DLGAP4: variants seen among roughly 807,000 people sequenced by gnomAD.
DLGAP4 encodes the protein disks large-associated protein 4.
Under a neutral mutation model 86.9 loss-of-function variants are expected in DLGAP4, and 18 were observed. That is an observed-to-expected ratio of 0.21 (90% CI 0.14 to 0.31). The LOEUF (loss-of-function observed/expected upper bound fraction) is 0.31. Ranked by LOEUF, DLGAP4 falls within the 10% of genes least tolerant of loss-of-function variation. The pLI, the probability that DLGAP4 is intolerant of heterozygous loss-of-function variation, is 1.00. For missense variants in DLGAP4, 1,085 were observed against 1,362.6 expected (o/e 0.80, Z 3.21); for synonymous variants, 548 against 574.3 (o/e 0.95, Z 0.65).
intron 7 of DLGAP4, among the ~76,000 whole-genome samples, chr20:36,481,151 C>A (rs2035169981): frequency 6.6e-6 from 1 of 152,172 alleles, no homozygotes; most frequent in African/African-American, 2.4e-5. Context: ...CAGTTTCCTC[C>A]CTGGCATCCA....
rs903597275 is a variant in DLGAP4 at position 36,393,616 on chromosome 20, T to G, written c.-73+26341T>G. 1.3e-5 allele frequency among the ~76,000 whole-genome samples: 2 copies of G among 152,064 alleles called. No individual in the cohort carries two copies. Among genetic ancestry groups the G allele is most frequent in the African/African-American group, 4.8e-5 (2 of 41,390 alleles). On this transcript the variant is annotated intron_variant, in intron 2 of 12. Transcript: ENST00000339266. This position sits in a 1 kb window ranked among gnomAD's most constrained non-coding sequence, Gnocchi z 4.4. ...TGTGGAGACTGACCCAGGCCAGAGC[T>G]TGTCCCAGCCCCAGCCCCTTTAGAG...
chr20:36,462,864 T>C (rs1345740642), intron 7 of DLGAP4, among the ~76,000 whole-genome samples: 1 of 152,250 alleles, frequency 6.6e-6, no homozygotes, highest in Non-Finnish European at 1.5e-5. Context: ...TGGCCCCGCA[T>C]GGCCTGGCAC....
At chr20:36,429,398 C>CTTTTTTTTTTTTTTT (rs151254062) in intron 2 of DLGAP4, among the ~76,000 whole-genome samples, 41 of 76,016 alleles carry the variant, frequency 5.4e-4, no homozygotes, top group Admixed American at 7.3e-4. Context: ...TTCTTTTTTT[C>CTTTTTTTTTTTTTTT]TTTTTTTTTT....
At chr20:36,518,348 T>G (rs775977524) in intron 10 of DLGAP4, among the ~76,000 whole-genome samples, 1 of 152,254 alleles carries the variant, frequency 6.6e-6, no homozygotes, top group African/African-American at 2.4e-5. Flanking sequence ...TGCATCTGTC[T>G]TCTTTTGATC....
chr20:36,495,835 C>G (rs2035862193), intron 7 of DLGAP4, among the ~76,000 whole-genome samples: 1 of 151,932 alleles, frequency 6.6e-6, no homozygotes, highest in Non-Finnish European at 1.5e-5. Context: ...TTAGCTGGAC[C>G]CTGAAGGATG....
intron 2 of DLGAP4, among the ~76,000 whole-genome samples, chr20:36,370,844 A>T (rs192433236): frequency 8.5e-5 from 13 of 152,328 alleles, no homozygotes; most frequent in Admixed American, 3.9e-4. Flanking sequence ...ACATTAAAAA[A>T]TTTTTAAAGG....
At chr20:36,359,230 G>A (rs1450119194) in intron 1 of DLGAP4, among the ~76,000 whole-genome samples, 3 of 152,090 alleles carry the variant, frequency 2.0e-5, no homozygotes, top group African/African-American at 4.8e-5. Context: ...AGGAATTCTC[G>A]TGCCTCAGCC....
chr20:36,508,075 T>C (rs903292377), intron 10 of DLGAP4: 4 of 152,192 alleles, frequency 2.6e-5, no homozygotes, highest in African/African-American at 4.8e-5. Context: ...ACGTAGTAAC[T>C]CTTCCACTGT....
At chr20:36,463,206 T>C (rs893403754) in intron 7 of DLGAP4, among the ~76,000 whole-genome samples, 1 of 152,190 alleles carries the variant, frequency 6.6e-6, no homozygotes, top group Non-Finnish European at 1.5e-5. Flanking sequence ...CTCTGGGGCC[T>C]TGGTTCTGCC....
chr20:36,526,128 T>TCACATCCATCACTGCGTGGGGTCC, intron 12 of DLGAP4, 122 bp downstream of exon 12: 3 of 1,392,340 alleles, frequency 2.2e-6, no homozygotes, highest in Non-Finnish European at 3.0e-6. Flanking sequence ...AGCTGGGGTC[T>TCACATCCATCACTGCGTGGGGTCC]CACATCCATC....
chr20:36,524,185 A>G, intron 10 of DLGAP4, 65 bp from the exon 11 acceptor site: 1 of 1,331,156 alleles, frequency 7.5e-7, no homozygotes, highest in South Asian at 1.2e-5. Flanking sequence ...GATTAAAAGC[A>G]TGATGCCATC....
At chr20:36,389,627 T>A (rs1569482422) in intron 2 of DLGAP4, among the ~76,000 whole-genome samples, 1 of 151,800 alleles carries the variant, frequency 6.6e-6, no homozygotes, top group African/African-American at 2.4e-5. Flanking sequence ...TCTCTCTTTT[T>A]AAAAAAAATT....
At chr20:36,415,836 TC>T (rs1032228994) in intron 2 of DLGAP4, among the ~76,000 whole-genome samples, 24 of 151,950 alleles carry the variant, frequency 1.6e-4, no homozygotes, top group Admixed American at 5.9e-4. Flanking sequence ...CAAGTGGTGG[TC>T]CCCAGGTGAG....
intron 2 of DLGAP4, among the ~76,000 whole-genome samples, chr20:36,409,587 C>A (rs1429219617): frequency 2.0e-5 from 3 of 151,262 alleles, no homozygotes; most frequent in Non-Finnish European, 4.4e-5. Context: ...TGGTGGCATG[C>A]ACCTGTAGTC....
chr20:36,413,775 T>G (rs762989728), intron 2 of DLGAP4, among the ~76,000 whole-genome samples: 11 of 152,210 alleles, frequency 7.2e-5, no homozygotes, highest in Non-Finnish European at 1.6e-4. Context: ...TGCCTCTGGC[T>G]TCTTTCACTG....
At chr20:36,307,698 C>T (rs572917381) in intron 1 of DLGAP4, among the ~76,000 whole-genome samples, 10 of 152,002 alleles carry the variant, frequency 6.6e-5, no homozygotes, top group Admixed American at 6.5e-4. Context: ...GCTGCAGTTC[C>T]AGCCCCCGGG....
chr20:36,453,952 A>G (rs886647608), intron 7 of DLGAP4, among the ~76,000 whole-genome samples: 8 of 149,164 alleles, frequency 5.4e-5, no homozygotes, highest in Middle Eastern at 3.5e-3. Context: ...AAAAAAAAAA[A>G]AAAAGAAAGA....
At chr20:36,479,341 C>T (rs1251127300) in intron 7 of DLGAP4, among the ~76,000 whole-genome samples, 1 of 152,110 alleles carries the variant, frequency 6.6e-6, no homozygotes, top group Non-Finnish European at 1.5e-5. Flanking sequence ...GGTTCTGCCT[C>T]CTAAGTGTCA....
At chr20:36,329,981 G>T (rs564154834) in intron 1 of DLGAP4, among the ~76,000 whole-genome samples, 1 of 147,170 alleles carries the variant, frequency 6.8e-6, no homozygotes, top group African/African-American at 2.5e-5. Flanking sequence ...AGTGAGCAAA[G>T]ATCTCACACT....
Sources: allele counts gnomAD v4.1 joint callset (sites outside exome capture counted in the v4.1 genomes callset), GRCh38; gene constraint gnomAD v4.1.1; non-coding constraint Gnocchi (gnomAD v3.1); transcripts MANE v1.5; gene names NCBI Gene and HGNC (gene_info 2026-07-23, HGNC 2026-07-21).